Variants in RPH3A observed in about 807,000 individuals in gnomAD.
The protein encoded by RPH3A is rabphilin-3A.
Under a neutral mutation model 102.2 loss-of-function variants are expected in RPH3A, and 48 were observed. That is an observed-to-expected ratio of 0.47 (90% CI 0.37 to 0.60). The LOEUF (loss-of-function observed/expected upper bound fraction) is 0.60, where lower values mean the gene tolerates loss of function less well. RPH3A is among the 20% of genes least tolerant of loss of function. The pLI is 0.00. For synonymous variants in RPH3A, 310 were observed against 324.3 expected (o/e 0.96, Z 0.47); for missense variants, 781 against 910.1 (o/e 0.86, Z 1.83).
intron 1 of RPH3A, among the ~76,000 whole-genome samples, chr12:112,739,719 TC>T (rs1008865201): frequency 2.0e-5 from 3 of 152,298 alleles, no homozygotes; most frequent in African/African-American, 7.2e-5. Context: ...AGGGGCCACA[TC>T]CCTACAGCCC....
chr12:112,693,343 A>G (rs1277699523), intron 1 of RPH3A, among the ~76,000 whole-genome samples: 7 of 152,216 alleles, frequency 4.6e-5, no homozygotes, highest in African/African-American at 1.2e-4. Context: ...CCTTTGACTC[A>G]GACTTCTCTT....
intron 2 of RPH3A, among the ~76,000 whole-genome samples, chr12:112,806,899 G>T (rs891296025): frequency 1.3e-5 from 2 of 152,054 alleles, no homozygotes; most frequent in African/African-American, 4.8e-5. Flanking sequence ...AATCTTGGAG[G>T]GCTTCCCAGA....
At chr12:112,833,553 A>G (rs1593059438) in intron 3 of RPH3A, among the ~76,000 whole-genome samples, 1 of 73,404 alleles carries the variant, frequency 1.4e-5, no homozygotes, top group African/African-American at 5.5e-5. Context: ...ATCCAGAAAC[A>G]CTTTAGCCCC....
At chr12:112,641,609 T>G (rs1592921664) in intron 1 of RPH3A, among the ~76,000 whole-genome samples, 1 of 152,074 alleles carries the variant, frequency 6.6e-6, no homozygotes, top group South Asian at 2.1e-4. Context: ...GTTGGTCAGG[T>G]TGGTCTCAAA....
chr12:112,767,077 T>C (rs376352784), intron 1 of RPH3A, among the ~76,000 whole-genome samples: 135 of 152,268 alleles, frequency 8.9e-4, no homozygotes, highest in African/African-American at 3.1e-3. Context: ...GTGTACCCAG[T>C]GCCGTGCCAG....
chr12:112,802,025 C>T (rs900995694), intron 2 of RPH3A, among the ~76,000 whole-genome samples: 3 of 152,074 alleles, frequency 2.0e-5, no homozygotes, highest in African/African-American at 7.2e-5. Flanking sequence ...CTCCATTTTT[C>T]TTATGTGAGT....
intron 1 of RPH3A, among the ~76,000 whole-genome samples, chr12:112,777,503 C>T (rs367786329): frequency 7.9e-5 from 12 of 152,266 alleles, no homozygotes; most frequent in Admixed American, 3.9e-4. Context: ...AGCAAGGCAG[C>T]GATCTATTTA....
chr12:112,885,980 T>A lies in RPH3A; in HGVS notation c.1437-1817T>A, dbSNP rs1056047737. Among the ~76,000 whole-genome samples, 142 of 152,196 alleles carry A rather than the reference T, an allele frequency of 9.3e-4. 1 individual carries two copies. Among genetic ancestry groups the A allele is most frequent in the Non-Finnish European group, 2.1e-4 (14 of 68,026 alleles). On this transcript the variant is annotated intron_variant, in intron 16 of 21. Transcript: ENST00000389385. ...CAAAAACAGTGATTATTCTCTTATG[T>A]CTTTGGAGATGCGTTGCCCTGAAGA...
chr12:112,646,633 G>A (rs938214501), intron 1 of RPH3A, among the ~76,000 whole-genome samples: 2 of 152,214 alleles, frequency 1.3e-5, no homozygotes, highest in South Asian at 2.1e-4. Context: ...TATGTGCACA[G>A]TGAGGTTGGA....
At chr12:112,741,136 G>A (rs1193594099) in intron 1 of RPH3A, among the ~76,000 whole-genome samples, 1 of 150,754 alleles carries the variant, frequency 6.6e-6, no homozygotes, top group Non-Finnish European at 1.5e-5. Flanking sequence ...CTGTGTAGTA[G>A]GCTTTTACTG....
At chr12:112,856,585 C>G (rs1475636456) in intron 5 of RPH3A, among the ~76,000 whole-genome samples, 1 of 150,978 alleles carries the variant, frequency 6.6e-6, no homozygotes, top group Non-Finnish European at 1.5e-5. Flanking sequence ...CATGTGTCAT[C>G]TGTGTGTGTG....
chr12:112,673,375 G>A (rs1011727673), intron 1 of RPH3A, among the ~76,000 whole-genome samples: 15 of 151,446 alleles, frequency 9.9e-5, no homozygotes, highest in Non-Finnish European at 1.8e-4. Context: ...CTGTTGCCTC[G>A]GCTGGTATAC....
At chr12:112,580,743 C>T (rs2039395239) in intron 1 of RPH3A, among the ~76,000 whole-genome samples, 1 of 151,828 alleles carries the variant, frequency 6.6e-6, no homozygotes, top group African/African-American at 2.4e-5. Flanking sequence ...AGGGCGGGGG[C>T]GAGGTGGGGA....
intron 1 of RPH3A, among the ~76,000 whole-genome samples, chr12:112,695,688 C>T (rs935460877): frequency 7.2e-5 from 11 of 152,224 alleles, no homozygotes; most frequent in Admixed American, 7.2e-4. Flanking sequence ...AAGAGATTGG[C>T]CCAAAGATGG....
intron 1 of RPH3A, among the ~76,000 whole-genome samples, chr12:112,744,373 G>T (rs2136056447): frequency 6.6e-6 from 1 of 152,024 alleles, no homozygotes; most frequent in Non-Finnish European, 1.5e-5. Context: ...ACCATACCCG[G>T]CCAGGCTTCA....
At chr12:112,802,341 A>G (rs920775141) in intron 2 of RPH3A, among the ~76,000 whole-genome samples, 1 of 152,196 alleles carries the variant, frequency 6.6e-6, no homozygotes, top group African/African-American at 2.4e-5. Flanking sequence ...AAAGTGACTT[A>G]GTCTCTCTGA....
At chr12:112,890,465 G>T (rs1192278849) in intron 18 of RPH3A, among the ~76,000 whole-genome samples, 1 of 152,202 alleles carries the variant, frequency 6.6e-6, no homozygotes, top group Non-Finnish European at 1.5e-5. Context: ...ATGACCCCAA[G>T]GACTGCCCTT....
intron 1 of RPH3A, among the ~76,000 whole-genome samples, chr12:112,729,348 C>A (rs2040617415): frequency 6.6e-6 from 1 of 152,028 alleles, no homozygotes; most frequent in Non-Finnish European, 1.5e-5. Context: ...TCAAGCCTGG[C>A]TAATTTTTGC....
intron 2 of RPH3A, among the ~76,000 whole-genome samples, chr12:112,792,502 T>C (rs944561139): frequency 6.6e-6 from 1 of 152,246 alleles, no homozygotes; most frequent in African/African-American, 2.4e-5. Flanking sequence ...TTGTAGGCAA[T>C]GCGATCAAGA....
Sources: gnomAD v4.1 joint callset for allele counts (sites outside exome capture counted in the v4.1 genomes callset) on GRCh38, gnomAD v4.1.1 for gene constraint, MANE v1.5 for transcripts, NCBI Gene and HGNC (gene_info 2026-07-23, HGNC 2026-07-21) for gene names.